VWA8: variants seen among roughly 807,000 people sequenced by gnomAD.
The protein encoded by VWA8 is von Willebrand factor A domain-containing protein 8.
In VWA8, 221 loss-of-function variants were observed where a neutral mutation model predicts 241.5. That is an observed-to-expected ratio of 0.91 (90% CI 0.82 to 1.02). The LOEUF (loss-of-function observed/expected upper bound fraction) is 1.02, where lower values mean the gene tolerates loss of function less well. Among genes scored for constraint, VWA8 ranks in the 50% least tolerant of loss-of-function variants. The pLI is 0.00. For synonymous variants in VWA8, 852 were observed against 827.1 expected (o/e 1.03, Z -0.52); for missense variants, 2,322 against 2,328.7 (o/e 1.00, Z 0.06).
chr13:41,849,704 T>C (rs372645273), intron 12 of VWA8, among the ~76,000 whole-genome samples: 52 of 152,202 alleles, frequency 3.4e-4, no homozygotes, highest in African/African-American at 1.2e-3. Flanking sequence ...CTGACCGATA[T>C]GGTGAAACCC....
At chr13:41,695,750 A>ATATG (rs2045212174) in intron 29 of VWA8, among the ~76,000 whole-genome samples, 1 of 152,218 alleles carries the variant, frequency 6.6e-6, no homozygotes, top group African/African-American at 2.4e-5. Context: ...GTAAGGCAGT[A>ATATG]TATGAGGAGG....
chr13:41,937,607 A>T (rs1877408886), intron 2 of VWA8, among the ~76,000 whole-genome samples: 1 of 152,178 alleles, frequency 6.6e-6, no homozygotes, highest in Non-Finnish European at 1.5e-5. Context: ...CCTGTTGTGC[A>T]GCCTTGTTTC....
intron 12 of VWA8, among the ~76,000 whole-genome samples, chr13:41,850,471 C>T (rs955976407): frequency 5.9e-5 from 9 of 152,140 alleles, no homozygotes; most frequent in African/African-American, 2.2e-4. Context: ...ACACTGGACT[C>T]TGAAGACTCA....
intron 26 of VWA8, among the ~76,000 whole-genome samples, chr13:41,707,132 C>T (rs1285046910): frequency 6.6e-6 from 1 of 152,004 alleles, no homozygotes; most frequent in African/African-American, 2.4e-5. Flanking sequence ...ACAGAAAGAA[C>T]AAAAAAGGTT....
At chr13:41,820,465 G>A (rs1179431899) in intron 14 of VWA8, among the ~76,000 whole-genome samples, 1 of 152,060 alleles carries the variant, frequency 6.6e-6, no homozygotes, top group Non-Finnish European at 1.5e-5. Flanking sequence ...AGTCCCTGAC[G>A]GCATGATCTG....
intron 39 of VWA8, 28 bp downstream of exon 39, chr13:41,611,548 C>T: frequency 1.2e-6 from 2 of 1,611,422 alleles, no homozygotes; most frequent in South Asian, 2.2e-5. Flanking sequence ...AGCAGTAGTG[C>T]TGGTCTAAAT....
intron 17 of VWA8, among the ~76,000 whole-genome samples, chr13:41,791,900 C>T (rs377317157): frequency 9.2e-5 from 14 of 151,404 alleles, no homozygotes; most frequent in South Asian, 6.3e-4. Flanking sequence ...AAGCAGATAT[C>T]GAGAAGTGGA....
At chr13:41,820,975 C>T (rs1207845936) in intron 14 of VWA8, among the ~76,000 whole-genome samples, 2 of 152,170 alleles carry the variant, frequency 1.3e-5, no homozygotes, top group Non-Finnish European at 2.9e-5. Flanking sequence ...AAAATTAAAG[C>T]TGCAGATGTA....
intron 40 of VWA8, among the ~76,000 whole-genome samples, chr13:41,594,686 C>T (rs1390077971): frequency 6.6e-6 from 1 of 152,122 alleles, no homozygotes; most frequent in Non-Finnish European, 1.5e-5. Flanking sequence ...GGCATCAGCT[C>T]ACGGAATTAT....
intron 17 of VWA8, among the ~76,000 whole-genome samples, chr13:41,808,814 T>G (rs1370076980): frequency 1.3e-5 from 2 of 151,936 alleles, no homozygotes; most frequent in African/African-American, 4.8e-5. Flanking sequence ...AAAAATTACA[T>G]TATCCTTGTT....
rs978280840 is a variant in VWA8, at chr13:41,960,923, C to G, written c.93G>C (p.Gln31His). ...GCTGCCTGTCGCCACCCGGCCTGCG[C>G]TGCACCACCTGCCGCAGGAGCAGCC... Reference protein sequence around the residue: ...RMRLLLRQVVQRRPGGDRQRP... With the variant: ...RMRLLLRQVVHRRPGGDRQRP... The change falls in exon 1 of 45, where the codon CAG becomes CAC. Residue 31 changes from glutamine (Q) to histidine (H), a missense_variant. Gln to His is a conservative substitution (Grantham distance 24, BLOSUM62 0). Transcript: ENST00000379310. 3 of 1,495,672 alleles carry G rather than the reference C, an allele frequency of 2.0e-6. No individual in the cohort carries two copies. Among genetic ancestry groups the G allele is most frequent in the Non-Finnish European group, 2.7e-6 (3 of 1,129,930 alleles). The allele number at this position is 1,495,672 out of a possible 1,614,324, so 92.7% of individuals were successfully genotyped here. A position where few individuals can be genotyped will look rare whatever the true frequency, so the allele number is the denominator to read the frequency against.
intron 37 of VWA8, among the ~76,000 whole-genome samples, chr13:41,643,608 T>C (rs2044811227): frequency 6.6e-6 from 1 of 152,186 alleles, no homozygotes; most frequent in Admixed American, 6.5e-5. Flanking sequence ...TAGTCTTGGG[T>C]GAGTTAATAC....
chr13:41,857,543 C>G (rs1872806387), intron 12 of VWA8, among the ~76,000 whole-genome samples: 1 of 152,068 alleles, frequency 6.6e-6, no homozygotes, highest in African/African-American at 2.4e-5. Flanking sequence ...CTATTCTATA[C>G]AATGTATAAT....
intron 12 of VWA8, among the ~76,000 whole-genome samples, chr13:41,858,819 A>G (rs1872874259): frequency 6.6e-6 from 1 of 152,166 alleles, no homozygotes; most frequent in African/African-American, 2.4e-5. Flanking sequence ...TGTAAGAGCT[A>G]TTCTTTGTGG....
chr13:41,639,679 T>C (rs2044782598), intron 37 of VWA8, among the ~76,000 whole-genome samples: 1 of 152,170 alleles, frequency 6.6e-6, no homozygotes, highest in Non-Finnish European at 1.5e-5. Flanking sequence ...TCTCACGGCA[T>C]AAAGTGAGGC....
At chr13:41,858,447 A>C (rs2138039624) in intron 12 of VWA8, among the ~76,000 whole-genome samples, 1 of 152,182 alleles carries the variant, frequency 6.6e-6, no homozygotes, top group South Asian at 2.1e-4. Context: ...CTCTACTAAA[A>C]ATACAAAAAT....
At chr13:41,604,400 C>T (rs923978470) in intron 40 of VWA8, among the ~76,000 whole-genome samples, 5 of 151,946 alleles carry the variant, frequency 3.3e-5, no homozygotes, top group Admixed American at 3.3e-4. Flanking sequence ...GATCTTTCCT[C>T]CTGGAAATGA....
At position 41,803,572 on chromosome 13, in the gene VWA8, T is replaced by C. The variant is rs536074459; in HGVS notation, c.2063+7653A>G. ...AAACTCCCCTTTATAAAACCACCAGTTCTCATGAGACTTATTCACTATTAC... is the reference window on the plus strand; with the variant it reads ...AAACTCCCCTTTATAAAACCACCAGCTCTCATGAGACTTATTCACTATTAC... On this transcript the variant is annotated intron_variant, in intron 17 of 44. Coordinates refer to ENST00000379310, the MANE Select transcript of VWA8 (RefSeq NM_015058.2). Among the ~76,000 whole-genome samples the C allele has an allele frequency of 5.8e-4, 89 of 152,230 alleles. No individual in the cohort carries two copies. In the South Asian group the frequency reaches 9.5e-3, roughly 16 times the overall value.
At chr13:41,607,037 T>G (rs1208258972) in intron 39 of VWA8, among the ~76,000 whole-genome samples, 2 of 152,216 alleles carry the variant, frequency 1.3e-5, no homozygotes, top group African/African-American at 4.8e-5. Context: ...ATTGAGATCT[T>G]GTATACACAA....
Sources: gnomAD v4.1 joint callset for allele counts (sites outside exome capture counted in the v4.1 genomes callset) on GRCh38, gnomAD v4.1.1 for gene constraint, MANE v1.5 for transcripts, NCBI Gene and HGNC (gene_info 2026-07-23, HGNC 2026-07-21) for gene names.